VPS26A: variants seen among roughly 807,000 people sequenced by gnomAD.
VPS26A encodes the protein vacuolar protein sorting-associated protein 26A.
VPS26A carries 22 observed loss-of-function variants against 42.4 expected under a neutral mutation model. The observed-to-expected ratio is 0.52, with a 90% CI of 0.37 to 0.74. VPS26A has a LOEUF of 0.74. Ranked by LOEUF, VPS26A falls within the 30% of genes least tolerant of loss-of-function variation. The pLI is 0.00. For synonymous variants in VPS26A, 110 were observed against 123.5 expected, an observed-to-expected ratio of 0.89 and a Z score of 0.73; for missense variants, 276 against 379.2, an observed-to-expected ratio of 0.73 and a Z score of 2.26.
At chr10:69,158,911 G>T (rs1418192128) in intron 5 of VPS26A, among the ~76,000 whole-genome samples, 1 of 152,022 alleles carries the variant, frequency 6.6e-6, no homozygotes, top group East Asian at 1.9e-4. Flanking sequence ...TGTGGAATTT[G>T]CTTCGATACA....
intron 2 of VPS26A, among the ~76,000 whole-genome samples, chr10:69,141,086 GA>G (rs1283004520): frequency 2.0e-5 from 3 of 152,166 alleles, no homozygotes; most frequent in Non-Finnish European, 4.4e-5. Flanking sequence ...ACGATCTGGG[GA>G]GATTCAAAGA....
rs187695606 is a variant in VPS26A, at chr10:69,151,178, C to T, written c.154-4634C>T. On this transcript the variant is annotated intron_variant, in intron 2 of 8. Transcript: ENST00000263559. ...TACTCGGGAGGCTGAGTCAGGAGAACGGTGTGAACCCAGGAGGCAGAGCTT... is the reference window on the plus strand; with the variant it reads ...TACTCGGGAGGCTGAGTCAGGAGAATGGTGTGAACCCAGGAGGCAGAGCTT... Among the ~76,000 whole-genome samples the T allele has an allele frequency of 1.1e-3, 161 of 149,454 alleles. 1 individual carries two copies. The highest frequency in any genetic ancestry group is 1.2e-3 in the Non-Finnish European group (84 of 67,724).
chr10:69,151,268 A>AC (rs1209949312), intron 2 of VPS26A, among the ~76,000 whole-genome samples: 6 of 68,786 alleles, frequency 8.7e-5, no homozygotes, highest in Non-Finnish European at 2.0e-4. Flanking sequence ...CCATGTCAAA[A>AC]AAAAAAAAAA....
chr10:69,139,208 A>G (rs1307347370), intron 2 of VPS26A, among the ~76,000 whole-genome samples: 1 of 152,178 alleles, frequency 6.6e-6, no homozygotes, highest in African/African-American at 2.4e-5. Context: ...AAGTTTTTGC[A>G]TATTGGTAAT....
At chr10:69,136,734 C>G (rs938788157) in intron 2 of VPS26A, among the ~76,000 whole-genome samples, 1 of 152,092 alleles carries the variant, frequency 6.6e-6, no homozygotes, top group Non-Finnish European at 1.5e-5. Flanking sequence ...TGGTACAGCT[C>G]ATATAGAAAA....
At chr10:69,133,529 T>C (rs904062648) in intron 2 of VPS26A, 1 of 1,281,486 alleles carries the variant, frequency 7.8e-7, no homozygotes, top group Non-Finnish European at 1.0e-6. Flanking sequence ...ATCTTATTTC[T>C]AGGTACTCTG....
chr10:69,141,221 G>C (rs1404728111), intron 2 of VPS26A, among the ~76,000 whole-genome samples: 2 of 152,188 alleles, frequency 1.3e-5, no homozygotes, highest in African/African-American at 2.4e-5. Flanking sequence ...AGCCAGAATA[G>C]TCTGGATTAT....
intron 7 of VPS26A, among the ~76,000 whole-genome samples, chr10:69,168,193 T>C (rs1841734979): frequency 1.3e-5 from 2 of 152,126 alleles, no homozygotes; most frequent in South Asian, 4.1e-4. Flanking sequence ...TCACAATGAA[T>C]GTTTGGTGTT....
At chr10:69,158,735 A>G (rs1841487947) in intron 5 of VPS26A, among the ~76,000 whole-genome samples, 1 of 152,228 alleles carries the variant, frequency 6.6e-6, no homozygotes, top group African/African-American at 2.4e-5. Context: ...ACTGAATAAT[A>G]TAATGAATCC....
chr10:69,171,504 C>CTTTTT lies in VPS26A; in HGVS notation c.*242_*246dup, dbSNP rs767465234. The CTTTTT allele has an allele frequency of 7.2e-4, 210 of 290,140 alleles. No homozygotes were observed. Among genetic ancestry groups the CTTTTT allele is most frequent in the Middle Eastern group, 3.0e-3 (3 of 1,012 alleles). 18.0% of individuals were successfully genotyped at this position (290,140 alleles called of 1,614,324 possible). A position where few individuals can be genotyped will look rare whatever the true frequency, so the allele number is the denominator to read the frequency against. On this transcript the variant is annotated 3_prime_UTR_variant, in exon 9 of 9. Transcript: ENST00000263559. ...AAACACTGGAACTTTGTTAAGCTGC[C>CTTTTT]TTTTTTTTTTTAACTTCCTACTTTG...
intron 5 of VPS26A, 120 bp downstream of exon 5, chr10:69,158,331 G>A: frequency 1.2e-6 from 1 of 853,462 alleles, no homozygotes; most frequent in African/African-American, 1.8e-5. Context: ...CAAATCAACA[G>A]GATCTCTGAG....
intron 7 of VPS26A, 152 bp downstream of exon 7, chr10:69,166,262 G>A (rs1170242017): frequency 7.2e-6 from 5 of 696,722 alleles, no homozygotes; most frequent in Non-Finnish European, 1.2e-5. Flanking sequence ...CAGCTGCAAA[G>A]AAGACTGTAA....
At chr10:69,140,192 C>T (rs141316303) in intron 2 of VPS26A, among the ~76,000 whole-genome samples, 2,589 of 151,956 alleles carry the variant, frequency 0.017, 66 homozygotes, top group African/African-American at 0.058. Flanking sequence ...CTCAGCCTTC[C>T]GAGTAGCTGG....
intron 2 of VPS26A, chr10:69,133,585 A>G: frequency 7.8e-7 from 1 of 1,289,660 alleles, no homozygotes; most frequent in African/African-American, 1.5e-5. Flanking sequence ...ATGGTCAGAT[A>G]TGTTTATGAC....
At chr10:69,148,313 G>T (rs561135687) in intron 2 of VPS26A, among the ~76,000 whole-genome samples, 71 of 152,166 alleles carry the variant, frequency 4.7e-4, no homozygotes, top group African/African-American at 1.5e-3. Flanking sequence ...TACTACTATT[G>T]ACAAGCCACT....
rs117668092 is a variant in VPS26A at position 69,147,621 on chromosome 10, A to G, written c.154-8191A>G. 4.0e-3 allele frequency among the ~76,000 whole-genome samples: 616 copies of G among 152,306 alleles called. 37 individuals carry two copies. The East Asian group carries it at 0.1, about 25-fold the overall frequency. Reference sequence around the variant, plus strand: ...CAGCAGTCCAACTTTATTCTTTTGCATGTCAGTATCCAGTTGTTTCAGCAC... The same window carrying G: ...CAGCAGTCCAACTTTATTCTTTTGCGTGTCAGTATCCAGTTGTTTCAGCAC... On this transcript the variant is annotated intron_variant, in intron 2 of 8. Coordinates refer to ENST00000263559, the MANE Select transcript of VPS26A (RefSeq NM_004896.5).
At chr10:69,168,660 T>G (rs1173000350) in intron 8 of VPS26A, 29 bp downstream of exon 8, 2 of 1,604,108 alleles carry the variant, frequency 1.2e-6, no homozygotes, top group African/African-American at 2.7e-5. Flanking sequence ...TGGTATTATG[T>G]TCTGCGGCAG....
At position 69,165,895 on chromosome 10, in the gene VPS26A, A is replaced by AT. The variant is rs1589365120; in HGVS notation, c.659-146dup. 5.5e-6 allele frequency: 4 copies of AT among 725,750 alleles called. No individual in the cohort carries two copies. The East Asian group carries it at 1.1e-4, about 21-fold the overall frequency. The allele number at this position is 725,750 out of a possible 1,614,324, so 45.0% of individuals were successfully genotyped here. A position where few individuals can be genotyped will look rare whatever the true frequency, so the allele number is the denominator to read the frequency against. ...CAGGAGGTTGAGGCTGCGGCAAGCC[A>AT]TGATTGGACCACTGCACTCTAGCTT... On this transcript the variant is annotated intron_variant, in intron 6 of 8. Transcript: ENST00000263559.
rs144082315 is a variant in VPS26A at position 69,141,336 on chromosome 10, T to A, written c.153+8289T>A. Among the ~76,000 whole-genome samples, 821 of 152,336 alleles carry A rather than the reference T, an allele frequency of 5.4e-3. 8 individuals are homozygous for A. The highest frequency in any genetic ancestry group is 0.019 in the African/African-American group (779 of 41,576). ...GTTCCTTGTGAGTTAGCTGAGGGCCTTATTCTGTGCCATGCTCAGTGATGG... is the reference window on the plus strand; with the variant it reads ...GTTCCTTGTGAGTTAGCTGAGGGCCATATTCTGTGCCATGCTCAGTGATGG... On this transcript the variant is annotated intron_variant, in intron 2 of 8. Coordinates refer to ENST00000263559, the MANE Select transcript of VPS26A (RefSeq NM_004896.5).
Sources: gnomAD v4.1 joint callset for allele counts (sites outside exome capture counted in the v4.1 genomes callset) on GRCh38, gnomAD v4.1.1 for gene constraint, MANE v1.5 for transcripts, NCBI Gene and HGNC (gene_info 2026-07-23, HGNC 2026-07-21) for gene names.